ADCY3: variants seen among roughly 807,000 people sequenced by gnomAD.
ADCY3 encodes the protein adenylate cyclase type 3.
In ADCY3, 70 loss-of-function variants were observed where a neutral mutation model predicts 119.4. The ratio of observed to expected loss-of-function variants is 0.59; its 90% CI spans 0.48 to 0.72. ADCY3 has a LOEUF of 0.72. ADCY3 is among the 30% of genes least tolerant of loss of function. The probability of loss-of-function intolerance (pLI) is 0.00; values close to 1 mark genes in which losing one functional copy is unlikely to be tolerated. For synonymous variants in ADCY3, 672 were observed against 621.4 expected, an observed-to-expected ratio of 1.08 and a Z score of -1.21; for missense variants, 1,238 against 1,541.6, an observed-to-expected ratio of 0.80 and a Z score of 3.30.
At chr2:24,850,059 G>GC (rs1309555266) in intron 3 of ADCY3, among the ~76,000 whole-genome samples, 17 of 151,882 alleles carry the variant, frequency 1.1e-4, no homozygotes, top group Admixed American at 1.1e-3. Context: ...CCTGTCCTCT[G>GC]CTTCTGGTGT....
intron 3 of ADCY3, among the ~76,000 whole-genome samples, chr2:24,866,418 A>AT (rs1310453731): frequency 2.0e-5 from 3 of 151,960 alleles, no homozygotes; most frequent in South Asian, 2.1e-4. Flanking sequence ...ACAAAAAACC[A>AT]TTTTTTTAAT....
At chr2:24,883,355 AT>A (rs1676641401) in intron 2 of ADCY3, among the ~76,000 whole-genome samples, 2 of 101,458 alleles carry the variant, frequency 2.0e-5, no homozygotes, top group African/African-American at 1.5e-4. Context: ...CTCAAAAAAA[AT>A]AAAAAAAAGA....
intron 2 of ADCY3, among the ~76,000 whole-genome samples, chr2:24,894,189 A>G (rs1424039480): frequency 6.6e-6 from 1 of 152,238 alleles, no homozygotes; most frequent in Non-Finnish European, 1.5e-5. Flanking sequence ...TACTTTGCAT[A>G]TAAGAAAATT....
chr2:24,919,239 C>G lies in ADCY3; in HGVS notation c.-197-55G>C. The G allele has an allele frequency of 2.0e-6, 1 of 507,496 alleles. No individual in the cohort carries two copies. The highest frequency in any genetic ancestry group is 3.6e-6 in the Non-Finnish European group (1 of 280,790). 31.4% of individuals were successfully genotyped at this position (507,496 alleles called of 1,614,324 possible). A position where few individuals can be genotyped will look rare whatever the true frequency, so the allele number is the denominator to read the frequency against. On this transcript the variant is annotated intron_variant, in intron 1 of 21. Coordinates refer to ENST00000679454, the MANE Select transcript of ADCY3 (RefSeq NM_004036.5). The surrounding 1 kb of genome is among the most constrained non-coding windows in gnomAD (Gnocchi z 5.5). ...CTCTTCCCTCCTACCTTGCGGTTTC[C>G]CCATGACCCGCCCTAACCCTCATAA... is the stretch of plus-strand genomic sequence containing the variant.
At chr2:24,904,137 CAGAGAGAG>C (rs10566562) in intron 2 of ADCY3, among the ~76,000 whole-genome samples, 3 of 150,082 alleles carry the variant, frequency 2.0e-5, no homozygotes, top group Non-Finnish European at 4.4e-5. Context: ...AGGAAGGAGA[CAGAGAGAG>C]AGAGAAAGAA....
intron 13 of ADCY3, among the ~76,000 whole-genome samples, chr2:24,830,044 CTT>C (rs66894795): frequency 6.0e-5 from 8 of 132,702 alleles, no homozygotes; most frequent in Non-Finnish European, 6.3e-5. Context: ...AGTGAATTAC[CTT>C]TTTTTTTTTT....
At position 24,823,439 on chromosome 2, in the gene ADCY3, A is replaced by C. The variant is rs76468717; in HGVS notation, c.2737-84T>G. The stretch of plus-strand genomic sequence containing the variant: ...GGAGAAATGCATCTATCTTCCATGC[A>C]TGACATGTGCACTCAGCTTTTTGGA... On this transcript the variant is annotated intron_variant, in intron 17 of 21. Coordinates refer to ENST00000679454, the MANE Select transcript of ADCY3 (RefSeq NM_004036.5). 10,355 of 1,485,228 alleles carry C rather than the reference A, an allele frequency of 7.0e-3. 435 individuals are homozygous for C. In the African/African-American group the frequency reaches 0.12, roughly 17 times the overall value. 92.0% of individuals were successfully genotyped at this position (1,485,228 alleles called of 1,614,324 possible).
intron 2 of ADCY3, among the ~76,000 whole-genome samples, chr2:24,907,994 A>G (rs1028690739): frequency 3.3e-5 from 5 of 151,730 alleles, no homozygotes; most frequent in Admixed American, 2.0e-4. Context: ...ACTCTCTCTC[A>G]AGAAAAAATA....
At chr2:24,827,776 T>TG (rs1668830103) in intron 14 of ADCY3, 126 bp downstream of exon 14, 1 of 1,484,758 alleles carries the variant, frequency 6.7e-7, no homozygotes, top group Admixed American at 1.8e-5. Context: ...AACTGGTTCT[T>TG]GAACAAGCCT....
Position 24,841,131 on chromosome 2 carries a change from T to C in ADCY3, c.1196+128A>G, listed in dbSNP as rs1670951309. The C allele has an allele frequency of 1.8e-6, 2 of 1,115,814 alleles. No individual in the cohort carries two copies. The highest frequency in any genetic ancestry group is 5.3e-5 in the East Asian group (2 of 37,846). 69.1% of individuals were successfully genotyped at this position (1,115,814 alleles called of 1,614,324 possible). On this transcript the variant is annotated intron_variant, in intron 6 of 21. Transcript: ENST00000679454. The surrounding 1 kb of genome is among the most constrained non-coding windows in gnomAD (Gnocchi z 5.8). ...GCGCCACCCATCAACCAGTGCTGTG[T>C]CCCAGTCTCTGCTTCCAGCAGATCC...
intron 2 of ADCY3, among the ~76,000 whole-genome samples, chr2:24,906,774 G>C (rs1679490643): frequency 1.3e-5 from 2 of 152,356 alleles, no homozygotes; most frequent in African/African-American, 4.8e-5. Flanking sequence ...TCCAGAGAAG[G>C]TGGGAAGGTC....
Position 24,878,021 on chromosome 2 carries a change from G to A in ADCY3, c.676-5302C>T, listed in dbSNP as rs1457962124. On this transcript the variant is annotated intron_variant, in intron 2 of 21. Transcript: ENST00000679454. This position sits in a 1 kb window ranked among gnomAD's most constrained non-coding sequence, Gnocchi z 4.0. ...ACTGCACAGCACGATCAGGCTCTGT[G>A]GTGACAGAGGTCCACAGCCCCTGGG... 3 of 463,372 alleles carry A rather than the reference G, an allele frequency of 6.5e-6. No individual in the cohort carries two copies. Among genetic ancestry groups the A allele is most frequent in the Non-Finnish European group, 1.4e-5 (3 of 222,178 alleles). The allele number at this position is 463,372 out of a possible 1,614,324, so 28.7% of individuals were successfully genotyped here. A position where few individuals can be genotyped will look rare whatever the true frequency, so the allele number is the denominator to read the frequency against.
intron 2 of ADCY3, among the ~76,000 whole-genome samples, chr2:24,873,399 G>A (rs1675269968): frequency 1.3e-5 from 2 of 152,206 alleles, no homozygotes; most frequent in South Asian, 2.1e-4. Context: ...TTGTGGGGGT[G>A]TCCTGGGACT....
chr2:24,831,991 AGGGGC>A, intron 11 of ADCY3: 3 of 79,252 alleles, frequency 3.8e-5, no homozygotes, highest in African/African-American at 1.6e-4. Context: ...GACTGGGGGC[AGGGGC>A]CGGGGGCAGG....
At chr2:24,823,474 C>A in intron 17 of ADCY3, 119 bp from the exon 18 acceptor site, 11 of 1,006,988 alleles carry the variant, frequency 1.1e-5, no homozygotes, top group Non-Finnish European at 1.5e-5. Context: ...ACTCACACAT[C>A]AGTCAGATTA....
chr2:24,831,515 TG>T, intron 12 of ADCY3, 146 bp downstream of exon 12: 1 of 685,880 alleles, frequency 1.5e-6, no homozygotes, highest in Non-Finnish European at 2.6e-6. Context: ...GGTGAATGAA[TG>T]GATGGGCAAG....
intron 16 of ADCY3, among the ~76,000 whole-genome samples, chr2:24,825,271 T>A (rs1054046401): frequency 1.3e-5 from 2 of 150,142 alleles, no homozygotes; most frequent in Admixed American, 1.3e-4. Context: ...GTACAGAGGA[T>A]CTTTCTCTTC....
chr2:24,913,897 T>C (rs1664108340), intron 2 of ADCY3, among the ~76,000 whole-genome samples: 1 of 152,088 alleles, frequency 6.6e-6, no homozygotes, highest in African/African-American at 2.4e-5. Flanking sequence ...GAAGTAAGGG[T>C]ACAAAATATT....
chr2:24,915,062 C>T (rs945785101), intron 2 of ADCY3, among the ~76,000 whole-genome samples: 5 of 152,196 alleles, frequency 3.3e-5, no homozygotes, highest in African/African-American at 1.2e-4. Context: ...CACAGAGCTG[C>T]GCATGGGCAT....
Sources: allele counts gnomAD v4.1 joint callset (sites outside exome capture counted in the v4.1 genomes callset), GRCh38; gene constraint gnomAD v4.1.1; non-coding constraint Gnocchi (gnomAD v3.1); transcripts MANE v1.5; gene names NCBI Gene and HGNC (gene_info 2026-07-23, HGNC 2026-07-21).